SVEP1: variants seen among roughly 807,000 people sequenced by gnomAD.
SVEP1 encodes sushi, von Willebrand factor type A, EGF and pentraxin domain-containing protein 1.
In SVEP1, 164 loss-of-function variants were observed where a neutral mutation model predicts 367.3. The observed-to-expected ratio is 0.45, with a 90% CI of 0.39 to 0.51. The LOEUF is 0.51. Among genes scored for constraint, SVEP1 ranks in the 20% least tolerant of loss-of-function variants. The pLI is 0.00. For synonymous variants in SVEP1, 1,666 were observed against 1,611.6 expected, an observed-to-expected ratio of 1.03 and a Z score of -0.81; for missense variants, 4,117 against 4,425.3, an observed-to-expected ratio of 0.93 and a Z score of 1.98.
chr9:110,579,735 A>G lies in SVEP1; in HGVS notation c.-192T>C. On this transcript the variant is annotated 5_prime_UTR_variant, in exon 1 of 48. Transcript: ENST00000374469. This position sits in a 1 kb window ranked among gnomAD's most constrained non-coding sequence, Gnocchi z 5.3. ...CTCCTCAGCAGCTCGGGAACTCCGG[A>G]GGGAACGGCGCGCGCTCTCTACCCC... 1 of 594,470 alleles carries G rather than the reference A, an allele frequency of 1.7e-6. No individual in the cohort carries two copies. The highest frequency in any genetic ancestry group is 2.7e-6 in the Non-Finnish European group (1 of 372,264). The allele number at this position is 594,470 out of a possible 1,614,324, so 36.8% of individuals were successfully genotyped here.
At chr9:110,403,323 T>TTTTAACG (rs1827897383) in intron 39 of SVEP1, among the ~76,000 whole-genome samples, 1 of 145,400 alleles carries the variant, frequency 6.9e-6, no homozygotes, top group East Asian at 2.0e-4. Flanking sequence ...TTTTTTTTTT[T>TTTTAACG]GACACGGAGT....
Position 110,431,767 on chromosome 9 carries a change from T to A in SVEP1, c.5353+148A>T, listed in dbSNP as rs1275435576. 36 of 1,060,884 alleles carry A rather than the reference T, an allele frequency of 3.4e-5. No individual in the cohort carries two copies. The East Asian group carries it at 9.2e-4, about 27-fold the overall frequency. 65.7% of individuals were successfully genotyped at this position (1,060,884 alleles called of 1,614,324 possible). ...AGCACTTTTAGTTGTTACTGATGTG[T>A]CTTTTGTAAGAACTTTATCTTATCT... On this transcript the variant is annotated intron_variant, in intron 32 of 47. Transcript: ENST00000374469.
intron 39 of SVEP1, among the ~76,000 whole-genome samples, chr9:110,403,253 A>T (rs951112096): frequency 6.9e-6 from 1 of 145,798 alleles, no homozygotes; most frequent in African/African-American, 2.6e-5. Flanking sequence ...ATGGGCTAGG[A>T]AAGTCTGCTG....
At chr9:110,425,547 G>T (rs1828241117) in intron 36 of SVEP1, among the ~76,000 whole-genome samples, 1 of 152,146 alleles carries the variant, frequency 6.6e-6, no homozygotes. Context: ...TACTTCTTCT[G>T]CCAAACTCCA....
intron 1 of SVEP1, among the ~76,000 whole-genome samples, chr9:110,570,164 G>A (rs1433658644): frequency 6.6e-6 from 1 of 152,108 alleles, no homozygotes; most frequent in African/African-American, 2.4e-5. Flanking sequence ...TCTTCATATG[G>A]TCTGGAGAGA....
intron 5 of SVEP1, among the ~76,000 whole-genome samples, chr9:110,504,537 T>C (rs1193983116): frequency 2.0e-5 from 3 of 152,214 alleles, no homozygotes; most frequent in East Asian, 3.8e-4. Flanking sequence ...GCAAAAAACA[T>C]AGGAAGTCTG....
At chr9:110,572,330 T>C (rs28677976) in intron 1 of SVEP1, among the ~76,000 whole-genome samples, 26,918 of 152,164 alleles carry the variant, frequency 0.18, 2,845 homozygotes, top group African/African-American at 0.3. Context: ...TCTCCATGTG[T>C]CTAAGCATTC....
intron 21 of SVEP1, among the ~76,000 whole-genome samples, chr9:110,456,832 A>G (rs2118629888): frequency 6.6e-6 from 1 of 152,352 alleles, no homozygotes; most frequent in South Asian, 2.1e-4. Context: ...CCAGAAAGAT[A>G]GAAACAAAGC....
chr9:110,502,230 G>C (rs554052557), intron 6 of SVEP1, among the ~76,000 whole-genome samples: 54 of 151,502 alleles, frequency 3.6e-4, no homozygotes, highest in African/African-American at 1.3e-3. Flanking sequence ...AGCCTCCTGA[G>C]TAGCTGGGAT....
intron 24 of SVEP1, among the ~76,000 whole-genome samples, chr9:110,447,995 TTATGA>T (rs1264528196): frequency 1.3e-5 from 2 of 152,236 alleles, no homozygotes; most frequent in Non-Finnish European, 2.9e-5. Context: ...AATATGTATG[TTATGA>T]TACCACTTAT....
intron 8 of SVEP1, among the ~76,000 whole-genome samples, chr9:110,491,590 G>GTGT (rs1554719181): frequency 1.1e-4 from 17 of 147,838 alleles, no homozygotes; most frequent in African/African-American, 3.5e-4. Flanking sequence ...TATAGAATGG[G>GTGT]GTGTGTGTGT....
chr9:110,518,811 T>C (rs1177568112), intron 3 of SVEP1, among the ~76,000 whole-genome samples: 1 of 152,220 alleles, frequency 6.6e-6, no homozygotes, highest in Non-Finnish European at 1.5e-5. Context: ...TACTAGTCCC[T>C]TGGCCTTACC....
In SVEP1 at chr9:110,443,736, T is replaced by C; in HGVS notation, c.4464-16A>G. The C allele has an allele frequency of 1.3e-6, 2 of 1,563,332 alleles. No homozygotes were observed. The highest frequency in any genetic ancestry group is 1.7e-6 in the Non-Finnish European group (2 of 1,152,380). Reference sequence around the variant, plus strand: ...AAGAACCCAGCTGTAGAGAGAAAGATTCCAGGGAATGTAGTCATTAGCCAT... The same window carrying C: ...AAGAACCCAGCTGTAGAGAGAAAGACTCCAGGGAATGTAGTCATTAGCCAT... On this transcript the variant is annotated splice_polypyrimidine_tract_variant and intron_variant, in intron 26 of 47. Transcript: ENST00000374469.
intron 5 of SVEP1, among the ~76,000 whole-genome samples, chr9:110,505,875 G>A (rs1305285836): frequency 6.6e-6 from 1 of 151,010 alleles, no homozygotes; most frequent in Admixed American, 6.6e-5. Flanking sequence ...ACATGCAGGT[G>A]TGTTACATAG....
chr9:110,444,982 G>GA (rs1166847554), intron 26 of SVEP1, among the ~76,000 whole-genome samples: 1 of 151,862 alleles, frequency 6.6e-6, no homozygotes, highest in South Asian at 2.1e-4. Flanking sequence ...ATTGGGGATA[G>GA]AAAAAAAAGC....
chr9:110,371,992 C>CGT (rs565164317), intron 46 of SVEP1, among the ~76,000 whole-genome samples: 2,477 of 152,306 alleles, frequency 0.016, 77 homozygotes, highest in African/African-American at 0.056. Context: ...GCTCTCAACA[C>CGT]ATAATTTAGC....
At chr9:110,566,176 G>T (rs946705849) in intron 1 of SVEP1, among the ~76,000 whole-genome samples, 1 of 151,552 alleles carries the variant, frequency 6.6e-6, no homozygotes, top group Non-Finnish European at 1.5e-5. Context: ...AAAAGAATTA[G>T]CCAGGTGTGG....
intron 9 of SVEP1, among the ~76,000 whole-genome samples, chr9:110,488,222 T>C (rs58006152): frequency 0.028 from 4,287 of 152,258 alleles, 191 homozygotes; most frequent in African/African-American, 0.098. Flanking sequence ...GGAAATAATT[T>C]AGGTTTAGGT....
chr9:110,413,231 G>A (rs546959624), intron 36 of SVEP1, among the ~76,000 whole-genome samples: 328 of 144,894 alleles, frequency 2.3e-3, no homozygotes, highest in African/African-American at 7.9e-3. Flanking sequence ...ATGAGTTCAT[G>A]TCCTTTGTAG....
Sources: gnomAD v4.1 joint callset for allele counts (sites outside exome capture counted in the v4.1 genomes callset) on GRCh38, gnomAD v4.1.1 for gene constraint, Gnocchi (gnomAD v3.1) non-coding constraint, MANE v1.5 for transcripts, NCBI Gene and HGNC (gene_info 2026-07-23, HGNC 2026-07-21) for gene names.